The following SLC4A8 variants were observed in gnomAD, a reference collection of about 807,000 sequenced individuals.
SLC4A8 encodes the protein electroneutral sodium bicarbonate exchanger 1.
Under a neutral mutation model 125.0 loss-of-function variants are expected in SLC4A8, and 40 were observed. The observed-to-expected ratio is 0.32, with a 90% CI of 0.25 to 0.42. The LOEUF (loss-of-function observed/expected upper bound fraction) is 0.42. Ranked by LOEUF, SLC4A8 falls within the 10% of genes least tolerant of loss-of-function variation. The pLI, the probability that SLC4A8 is intolerant of heterozygous loss-of-function variation, is 1.00. For synonymous variants in SLC4A8, 456 were observed against 476.0 expected (o/e 0.96, Z 0.55); for missense variants, 863 against 1,355.1 (o/e 0.64, Z 5.70).
intron 1 of SLC4A8, chr12:51,425,368 T>G: frequency 8.7e-7 from 1 of 1,152,366 alleles, no homozygotes; most frequent in Non-Finnish European, 1.1e-6. Flanking sequence ...GGCCTCGCGT[T>G]GTCCTGCCAG....
At chr12:51,397,837 C>G (rs111485421) in intron 1 of SLC4A8, among the ~76,000 whole-genome samples, 1 of 151,932 alleles carries the variant, frequency 6.6e-6, no homozygotes, top group African/African-American at 2.4e-5. Context: ...GAGGCTAAGA[C>G]GGGAGGATTG....
At chr12:51,407,976 C>G (rs1014697685) in intron 1 of SLC4A8, 2 of 152,436 alleles carry the variant, frequency 1.3e-5, no homozygotes, top group African/African-American at 2.4e-5. Flanking sequence ...TTGGCCTGTG[C>G]AGGCAGCACT....
intron 22 of SLC4A8, chr12:51,497,327 T>C (rs1437314902): frequency 1.5e-5 from 8 of 550,562 alleles, no homozygotes; most frequent in African/African-American, 7.8e-5. Flanking sequence ...GACAACCACT[T>C]ATTTTTTCCT....
chr12:51,436,691 A>G (rs1450311739), intron 1 of SLC4A8, among the ~76,000 whole-genome samples: 1 of 152,084 alleles, frequency 6.6e-6, no homozygotes, highest in African/African-American at 2.4e-5. Context: ...CAATGGCGTA[A>G]TCTTGGCTCA....
chr12:51,483,530 T>A (rs967691122), intron 16 of SLC4A8, among the ~76,000 whole-genome samples: 1 of 151,622 alleles, frequency 6.6e-6, no homozygotes, highest in Admixed American at 6.6e-5. Context: ...CTGGAAAACA[T>A]TATTCAAAAC....
Position 51,504,098 on chromosome 12 carries a change from C to T in SLC4A8, c.3151C>T (p.Pro1051Ser), listed in dbSNP as rs771556127. The change falls in exon 23 of 25, where the codon CCT becomes TCT. Residue 1051 changes from proline (P) to serine (S), a missense_variant. Coordinates refer to ENST00000453097, the MANE Select transcript of SLC4A8 (RefSeq NM_001039960.3). Reference sequence around the variant, plus strand: ...AGAGAGCAGGAAGTTACTAAGTAGTCCTGGAAAGAACATCAGTTGCAGGTA... The same window carrying T: ...AGAGAGCAGGAAGTTACTAAGTAGTTCTGGAAAGAACATCAGTTGCAGGTA... ...PLESRKLLSS[P>S]GKNISCRCDP... 2 of 1,580,780 alleles carry T rather than the reference C, an allele frequency of 1.3e-6. No individual in the cohort carries two copies. Among genetic ancestry groups the T allele is most frequent in the Non-Finnish European group, 1.7e-6 (2 of 1,160,704 alleles).
chr12:51,506,647 T>C (rs1938185014), intron 24 of SLC4A8, among the ~76,000 whole-genome samples: 1 of 152,196 alleles, frequency 6.6e-6, no homozygotes, highest in Non-Finnish European at 1.5e-5. Context: ...TTGCCCAGGC[T>C]GGTCTGGAAC....
chr12:51,400,066 G>A (rs1474125894), intron 1 of SLC4A8, among the ~76,000 whole-genome samples: 3 of 152,112 alleles, frequency 2.0e-5, no homozygotes, highest in Non-Finnish European at 4.4e-5. Context: ...GGTGTGGTGG[G>A]TGGAGTGGGC....
chr12:51,444,087 G>T (rs1470435221), intron 2 of SLC4A8, among the ~76,000 whole-genome samples: 2 of 152,150 alleles, frequency 1.3e-5, no homozygotes, highest in Non-Finnish European at 2.9e-5. Flanking sequence ...AAAAAAGAAT[G>T]ACGAGTTAGA....
chr12:51,469,852 G>C, intron 12 of SLC4A8, 64 bp downstream of exon 12: 1 of 1,481,176 alleles, frequency 6.8e-7, no homozygotes, highest in Non-Finnish European at 9.4e-7. Flanking sequence ...GCGGCAGCCA[G>C]GTCCACTGTG....
intron 22 of SLC4A8, among the ~76,000 whole-genome samples, chr12:51,503,824 T>G (rs1251238324): frequency 6.6e-6 from 1 of 152,216 alleles, no homozygotes; most frequent in African/African-American, 2.4e-5. Flanking sequence ...GACATTTTCT[T>G]TTTTTCTTTT....
chr12:51,401,863 C>T (rs1948400409), intron 1 of SLC4A8, among the ~76,000 whole-genome samples: 1 of 152,174 alleles, frequency 6.6e-6, no homozygotes, highest in South Asian at 2.1e-4. Flanking sequence ...TCCCCAGGCT[C>T]AAGCAATCCT....
intron 1 of SLC4A8, among the ~76,000 whole-genome samples, chr12:51,425,879 G>T (rs756884357): frequency 2.0e-5 from 3 of 152,186 alleles, no homozygotes; most frequent in Admixed American, 1.3e-4. Context: ...AGGATCAGAC[G>T]AAGTGCTGTT....
intron 10 of SLC4A8, among the ~76,000 whole-genome samples, chr12:51,463,298 C>G (rs1451667983): frequency 6.6e-6 from 1 of 152,116 alleles, no homozygotes; most frequent in African/African-American, 2.4e-5. Flanking sequence ...TACACAGAGG[C>G]AGATATGAAA....
intron 2 of SLC4A8, among the ~76,000 whole-genome samples, chr12:51,441,748 A>G (rs1212438220): frequency 6.6e-6 from 1 of 152,166 alleles, no homozygotes. Context: ...CAGTTTTTTC[A>G]TCAAAGTTGT....
intron 16 of SLC4A8, among the ~76,000 whole-genome samples, chr12:51,477,939 TGGCTAAC>T (rs1470460738): frequency 2.6e-5 from 4 of 152,320 alleles, no homozygotes; most frequent in Admixed American, 2.6e-4. Flanking sequence ...GAGACCAGCC[TGGCTAAC>T]ATGGCAAAAC....
At chr12:51,505,270 G>A (rs963429489) in intron 23 of SLC4A8, among the ~76,000 whole-genome samples, 4 of 152,160 alleles carry the variant, frequency 2.6e-5, no homozygotes, top group Non-Finnish European at 5.9e-5. Flanking sequence ...CCAAGGGCTG[G>A]GTTCAAGGTC....
In SLC4A8 at chr12:51,512,842, T is replaced by C. The variant is rs1343347907; in HGVS notation, c.*5404T>C. ...AGAGTAATTTGAGAACAAATACAGA[T>C]TCATCTATGGGAAAAGATGTTTAAA... On this transcript the variant is annotated 3_prime_UTR_variant, in exon 25 of 25. Coordinates refer to ENST00000453097, the MANE Select transcript of SLC4A8 (RefSeq NM_001039960.3). 6.6e-6 allele frequency: 1 copy of C among 152,196 alleles called. No individual in the cohort carries two copies. Among genetic ancestry groups the C allele is most frequent in the Non-Finnish European group, 1.5e-5 (1 of 68,036 alleles). The allele number at this position is 152,196 out of a possible 1,614,324, so 9.4% of individuals were successfully genotyped here. A position where few individuals can be genotyped will look rare whatever the true frequency, so the allele number is the denominator to read the frequency against.
At chr12:51,435,207 A>G in intron 1 of SLC4A8, among the ~76,000 whole-genome samples, 1 of 152,154 alleles carries the variant, frequency 6.6e-6, no homozygotes, top group East Asian at 1.9e-4. Context: ...ACAATGTCTG[A>G]TTGTCTCTCC....
Sources: gnomAD v4.1 joint callset for allele counts (sites outside exome capture counted in the v4.1 genomes callset) on GRCh38, gnomAD v4.1.1 for gene constraint, MANE v1.5 for transcripts, NCBI Gene and HGNC (gene_info 2026-07-23, HGNC 2026-07-21) for gene names.